Variants in PKP4 observed in about 807,000 individuals in gnomAD.
The protein encoded by PKP4 is plakophilin 4, also known as plakophilin-4.
PKP4 carries 90 observed loss-of-function variants against 145.1 expected under a neutral mutation model. That is an observed-to-expected ratio of 0.62 (90% confidence interval 0.52 to 0.74). The LOEUF is 0.74. Among genes scored for constraint, PKP4 ranks in the 30% least tolerant of loss-of-function variants. The pLI is 0.00. For missense variants in PKP4, 1,340 were observed against 1,482.7 expected, an observed-to-expected ratio of 0.90 and a Z score of 1.58; for synonymous variants, 563 against 577.2, an observed-to-expected ratio of 0.98 and a Z score of 0.35.
Position 158,678,939 on chromosome 2 carries a change from C to G in PKP4, c.3330+285C>G. 3 of 449,662 alleles carry G rather than the reference C, an allele frequency of 6.7e-6. No individual in the cohort carries two copies. The South Asian group carries it at 8.9e-5, about 13-fold the overall frequency. 27.9% of individuals were successfully genotyped at this position (449,662 alleles called of 1,614,324 possible). On this transcript the variant is annotated intron_variant, in intron 21 of 21. Coordinates refer to ENST00000389759, the MANE Select transcript of PKP4 (RefSeq NM_003628.6). ...TCTTTTGCCCAGCAGTGTCCTCTTCCCACTCTTTTTCTGTTAAGCTCTAAA... is the reference window on the plus strand; with the variant it reads ...TCTTTTGCCCAGCAGTGTCCTCTTCGCACTCTTTTTCTGTTAAGCTCTAAA...
intron 2 of PKP4, among the ~76,000 whole-genome samples, chr2:158,535,609 G>T (rs1388689114): frequency 6.6e-6 from 1 of 152,034 alleles, no homozygotes; most frequent in African/African-American, 2.4e-5. Context: ...TGTAGAGATG[G>T]GGGTCTCACT....
At chr2:158,458,738 G>T (rs1020497607) in intron 1 of PKP4, among the ~76,000 whole-genome samples, 5 of 152,024 alleles carry the variant, frequency 3.3e-5, no homozygotes, top group Non-Finnish European at 7.4e-5. Flanking sequence ...TTTAGACCTC[G>T]TATAATACAT....
chr2:158,663,223 A>G, intron 14 of PKP4, 49 bp from the exon 15 acceptor site: 1 of 1,573,818 alleles, frequency 6.4e-7, no homozygotes. Context: ...CAAGTATTGG[A>G]GATCATGTTC....
intron 7 of PKP4, among the ~76,000 whole-genome samples, chr2:158,629,190 GT>G (rs2053111567): frequency 6.6e-6 from 1 of 152,148 alleles, no homozygotes; most frequent in South Asian, 2.1e-4. Context: ...TTTAAAGTTG[GT>G]TTCCATGGCC....
At chr2:158,575,924 T>C (rs545591432) in intron 2 of PKP4, among the ~76,000 whole-genome samples, 2 of 152,336 alleles carry the variant, frequency 1.3e-5, no homozygotes, top group Admixed American at 6.5e-5. Context: ...TAGTCTTTTG[T>C]TACTGAACAT....
Position 158,642,567 on chromosome 2 carries a change from G to A in PKP4, c.1777G>A (p.Ala593Thr). The change falls in exon 11 of 22, where the codon GCC becomes ACC. Residue 593 changes from alanine to threonine, a missense_variant. Physicochemically the swap from Ala to Thr is moderately conservative, Grantham distance 58. Transcript: ENST00000389759. ...VLEVQKNACG[A>T]LRNLVFGKST... ...GGAAGTTCAGAAGAATGCTTGTGGT[G>A]CCCTTCGAAACCTCGTTTTTGGCAA... The A allele has an allele frequency of 1.2e-6, 2 of 1,613,810 alleles. No individual in the cohort carries two copies. The highest frequency in any genetic ancestry group is 1.7e-6 in the Non-Finnish European group (2 of 1,179,782).
Position 158,546,888 on chromosome 2 carries a change from G to A in PKP4, c.132+13572G>A, listed in dbSNP as rs188707340. Among the ~76,000 whole-genome samples, 196 of 152,230 alleles carry A rather than the reference G, an allele frequency of 1.3e-3. 1 individual carries two copies. Among genetic ancestry groups the A allele is most frequent in the African/African-American group, 4.5e-3 (188 of 41,538 alleles). On this transcript the variant is annotated intron_variant, in intron 2 of 21. Coordinates refer to ENST00000389759, the MANE Select transcript of PKP4 (RefSeq NM_003628.6). ...TCTTTTTTATGCAGTAAGATAAGAA[G>A]TAGAAGGTACACACACTGGAAAGGA... is the stretch of plus-strand genomic sequence containing the variant.
intron 2 of PKP4, among the ~76,000 whole-genome samples, chr2:158,558,288 A>G (rs1394179140): frequency 2.0e-5 from 3 of 152,184 alleles, no homozygotes; most frequent in African/African-American, 7.2e-5. Context: ...TATCACTATT[A>G]TTATTGAGGG....
intron 2 of PKP4, among the ~76,000 whole-genome samples, chr2:158,575,484 C>T (rs1035731957): frequency 1.2e-4 from 18 of 152,094 alleles, no homozygotes; most frequent in Non-Finnish European, 2.9e-5. Context: ...AAAATTCATT[C>T]CTGTACAATG....
chr2:158,553,225 T>C (rs957300337), intron 2 of PKP4, among the ~76,000 whole-genome samples: 1 of 152,228 alleles, frequency 6.6e-6, no homozygotes, highest in East Asian at 1.9e-4. Context: ...ATTCTCAGCC[T>C]ATCCAGGTTG....
chr2:158,616,778 T>G (rs977535810), intron 4 of PKP4, among the ~76,000 whole-genome samples: 7 of 152,284 alleles, frequency 4.6e-5, no homozygotes, highest in African/African-American at 1.7e-4. Flanking sequence ...CTTACTGATC[T>G]CTGGGTTCCT....
At chr2:158,603,847 T>C (rs1273965272) in intron 4 of PKP4, among the ~76,000 whole-genome samples, 3 of 152,204 alleles carry the variant, frequency 2.0e-5, no homozygotes, top group Non-Finnish European at 2.9e-5. Context: ...GTAAATACTT[T>C]GGCCCTTTTC....
intron 3 of PKP4, among the ~76,000 whole-genome samples, chr2:158,591,776 A>T (rs77940863): frequency 0.082 from 12,471 of 152,144 alleles, 682 homozygotes; most frequent in Middle Eastern, 0.17. Flanking sequence ...AATTTACATA[A>T]TATGTTCCAC....
At chr2:158,485,296 G>A (rs11677735) in intron 1 of PKP4, among the ~76,000 whole-genome samples, 29,708 of 152,146 alleles carry the variant, frequency 0.2, 3,772 homozygotes, top group Middle Eastern at 0.34. Context: ...AACTCTACAA[G>A]CCAATTATTA....
intron 9 of PKP4, among the ~76,000 whole-genome samples, chr2:158,634,978 G>A (rs1293643269): frequency 1.3e-5 from 2 of 152,088 alleles, no homozygotes; most frequent in Non-Finnish European, 2.9e-5. Flanking sequence ...AAAATATTCA[G>A]GAAATAAAGA....
chr2:158,647,711 C>T (rs1217819473), intron 11 of PKP4, among the ~76,000 whole-genome samples: 1 of 152,158 alleles, frequency 6.6e-6, no homozygotes, highest in African/African-American at 2.4e-5. Flanking sequence ...ACCTAATGAG[C>T]TTTTCTTTTA....
At chr2:158,484,073 C>T (rs1242628244) in intron 1 of PKP4, among the ~76,000 whole-genome samples, 2 of 140,942 alleles carry the variant, frequency 1.4e-5, no homozygotes, top group African/African-American at 5.3e-5. Context: ...CTCGCTCTGT[C>T]GCCCAGGCCG....
intron 11 of PKP4, among the ~76,000 whole-genome samples, chr2:158,653,973 G>T (rs2055650176): frequency 6.6e-6 from 1 of 152,230 alleles, no homozygotes; most frequent in African/African-American, 2.4e-5. Context: ...ACACACAGGT[G>T]TTATTAGCCG....
intron 15 of PKP4, among the ~76,000 whole-genome samples, chr2:158,664,300 C>G (rs979508859): frequency 6.6e-6 from 1 of 152,212 alleles, no homozygotes; most frequent in Non-Finnish European, 1.5e-5. Context: ...CCGTTACAGA[C>G]ATGCCTGTGT....
Sources: allele counts gnomAD v4.1 joint callset (sites outside exome capture counted in the v4.1 genomes callset), GRCh38; gene constraint gnomAD v4.1.1; transcripts MANE v1.5; gene names NCBI Gene and HGNC (gene_info 2026-07-23, HGNC 2026-07-21).